The following NELL2 variants were observed in gnomAD, a reference collection of about 807,000 sequenced individuals.
NELL2 encodes the protein neural EGFL like 2.
A neutral mutation model predicts 109.6 loss-of-function variants in NELL2; 41 were observed. The ratio of observed to expected loss-of-function variants is 0.37; its 90% CI spans 0.29 to 0.49. NELL2 has a LOEUF of 0.49. NELL2 is among the 20% of genes least tolerant of loss of function. The probability of loss-of-function intolerance (pLI) is 0.98; values close to 1 mark genes in which losing one functional copy is unlikely to be tolerated. For missense variants in NELL2, 900 were observed against 1,008.3 expected (o/e 0.89, Z 1.45); for synonymous variants, 355 against 344.7 (o/e 1.03, Z -0.33).
chr12:44,525,232 C>G (rs1237648373), intron 16 of NELL2, among the ~76,000 whole-genome samples: 1 of 152,056 alleles, frequency 6.6e-6, no homozygotes, highest in South Asian at 2.1e-4. Flanking sequence ...TACTTTTTTC[C>G]CCCTTATAGG....
intron 1 of NELL2, chr12:44,913,796 C>A: frequency 1.2e-6 from 1 of 832,208 alleles, no homozygotes; most frequent in South Asian, 1.7e-5. Context: ...AGAAAGAACT[C>A]ACATTTTGAG....
intron 3 of NELL2, among the ~76,000 whole-genome samples, chr12:44,814,703 A>G (rs2136681814): frequency 6.6e-6 from 1 of 152,330 alleles, no homozygotes; most frequent in South Asian, 2.1e-4. Flanking sequence ...TAAAGATGTA[A>G]TTAAATGGGG....
rs1942386448 is a variant in NELL2, at chr12:44,791,098, T to TATATATATACAC, written c.336-11077_336-11076insGTGTATATATAT. On this transcript the variant is annotated intron_variant, in intron 3 of 19. Transcript: ENST00000429094. ...ATATATATACATATATATATATATG[T>TATATATATACAC]ATATATATATGTATATATATATGTA... Among the ~76,000 whole-genome samples the TATATATATACAC allele has an allele frequency of 3.1e-4, 5 of 16,336 alleles. No homozygotes were observed. The South Asian group carries it at 6.3e-3, about 21-fold the overall frequency. 10.7% of individuals were successfully genotyped at this position (16,336 alleles called of 152,430 possible).
intron 9 of NELL2, among the ~76,000 whole-genome samples, chr12:44,733,889 T>C (rs1939502988): frequency 6.6e-6 from 1 of 152,008 alleles, no homozygotes; most frequent in East Asian, 1.9e-4. Context: ...ATAATTTCAG[T>C]TCTTTGAAAT....
intron 13 of NELL2, among the ~76,000 whole-genome samples, chr12:44,625,974 A>T (rs989834871): frequency 5.3e-5 from 8 of 152,084 alleles, no homozygotes; most frequent in African/African-American, 1.9e-4. Context: ...ATTGGAAAAA[A>T]AAATCAAAGT....
chr12:44,824,617 T>G (rs1943647399), intron 2 of NELL2, among the ~76,000 whole-genome samples: 1 of 152,030 alleles, frequency 6.6e-6, no homozygotes, highest in Admixed American at 6.6e-5. Flanking sequence ...TACATGTCTG[T>G]TTTTATGCCA....
At chr12:44,687,434 C>G (rs1022166399) in intron 12 of NELL2, among the ~76,000 whole-genome samples, 5 of 152,136 alleles carry the variant, frequency 3.3e-5, no homozygotes, top group African/African-American at 4.8e-5. Flanking sequence ...TCCTCCCCCT[C>G]TTTGTGCAAT....
At chr12:44,809,955 C>G (rs1044053267) in intron 3 of NELL2, among the ~76,000 whole-genome samples, 2 of 152,096 alleles carry the variant, frequency 1.3e-5, no homozygotes, top group African/African-American at 4.8e-5. Flanking sequence ...TCATTATTCT[C>G]TAAGAACTTG....
At chr12:44,896,394 T>C (rs1030452723) in intron 1 of NELL2, among the ~76,000 whole-genome samples, 2 of 152,216 alleles carry the variant, frequency 1.3e-5, no homozygotes, top group Non-Finnish European at 2.9e-5. Context: ...ATTAGTTAAG[T>C]GTCCTTTGTC....
intron 9 of NELL2, among the ~76,000 whole-genome samples, chr12:44,748,366 AC>A (rs1212289081): frequency 6.6e-6 from 1 of 151,920 alleles, no homozygotes; most frequent in Non-Finnish European, 1.5e-5. Flanking sequence ...ATTTTTCTCT[AC>A]CCTTTAATCT....
At chr12:44,888,843 AAAAAAAAT>A (rs1235859055) in intron 1 of NELL2, among the ~76,000 whole-genome samples, 1 of 151,510 alleles carries the variant, frequency 6.6e-6, no homozygotes, top group Non-Finnish European at 1.5e-5. Flanking sequence ...CATAAAATAA[AAAAAAAAT>A]AAATAAATAA....
chr12:44,704,871 T>G (rs1188551052), intron 11 of NELL2, among the ~76,000 whole-genome samples: 1 of 151,912 alleles, frequency 6.6e-6, no homozygotes, highest in East Asian at 1.9e-4. Flanking sequence ...ATATAAAAAT[T>G]ATCTGGGCAT....
At chr12:44,594,544 T>C (rs1407379665) in intron 15 of NELL2, among the ~76,000 whole-genome samples, 1 of 152,028 alleles carries the variant, frequency 6.6e-6, no homozygotes, top group African/African-American at 2.4e-5. Context: ...ATTAAGAAGT[T>C]ATATCGGATT....
chr12:44,598,081 TA>T (rs1384147391), intron 15 of NELL2, among the ~76,000 whole-genome samples: 1 of 151,638 alleles, frequency 6.6e-6, no homozygotes, highest in Non-Finnish European at 1.5e-5. Flanking sequence ...CAAAATCCAT[TA>T]TTTGCTATTT....
At position 44,906,756 on chromosome 12, in the gene NELL2, C is replaced by T. The variant is rs541456452; in HGVS notation, c.38+7043G>A. Among the ~76,000 whole-genome samples, 3 of 152,146 alleles carry T rather than the reference C, an allele frequency of 2.0e-5. No individual in the cohort carries two copies. The South Asian group carries it at 6.2e-4, about 32-fold the overall frequency. Reference sequence around the variant, plus strand: ...GAAGGTAAGTCCGGGACATATTAACCTTGGGATGACTAAAAATATGTCCAA... The same window carrying T: ...GAAGGTAAGTCCGGGACATATTAACTTTGGGATGACTAAAAATATGTCCAA... On this transcript the variant is annotated intron_variant, in intron 1 of 20. Transcript: ENST00000333837.
intron 15 of NELL2, among the ~76,000 whole-genome samples, chr12:44,554,670 T>C (rs1943173825): frequency 6.6e-6 from 1 of 152,228 alleles, no homozygotes; most frequent in Non-Finnish European, 1.5e-5. Flanking sequence ...GTTCCCAATT[T>C]TATGCACATA....
chr12:44,628,651 G>T (rs546243334), intron 13 of NELL2, among the ~76,000 whole-genome samples: 2 of 152,208 alleles, frequency 1.3e-5, no homozygotes. Flanking sequence ...CCCTAAGTAG[G>T]TCCCAATGCT....
intron 9 of NELL2, among the ~76,000 whole-genome samples, chr12:44,747,287 C>T (rs7962147): frequency 0.027 from 3,986 of 146,048 alleles, 170 homozygotes; most frequent in African/African-American, 0.092. Context: ...CATCACACAC[C>T]GGGGACTGTT....
rs138822365 is a variant in NELL2, at chr12:44,698,072, TC to T, written c.1318+5653del. Among the ~76,000 whole-genome samples, 1,222 of 152,340 alleles carry T rather than the reference TC, an allele frequency of 8.0e-3. 19 individuals carry two copies. Among genetic ancestry groups the T allele is most frequent in the African/African-American group, 0.028 (1,173 of 41,582 alleles). On this transcript the variant is annotated intron_variant, in intron 12 of 19. Transcript: ENST00000429094. ...AACTTCATGTTCACATAGTGTAATT[TC>T]CCTATGTGTCTGTATCCAAATTTCT...
Sources: allele counts gnomAD v4.1 joint callset (sites outside exome capture counted in the v4.1 genomes callset), GRCh38; gene constraint gnomAD v4.1.1; transcripts MANE v1.5; gene names NCBI Gene and HGNC (gene_info 2026-07-23, HGNC 2026-07-21).